TNS3: variants seen among roughly 807,000 people sequenced by gnomAD.
TNS3 encodes tensin 3.
In TNS3, 45 loss-of-function variants were observed where a neutral mutation model predicts 140.9. That is an observed-to-expected ratio of 0.32 (90% confidence interval 0.25 to 0.41). The LOEUF (loss-of-function observed/expected upper bound fraction) is 0.41, where lower values mean the gene tolerates loss of function less well. TNS3 is among the 10% of genes least tolerant of loss of function. The probability of loss-of-function intolerance (pLI) is 1.00; values close to 1 mark genes in which losing one functional copy is unlikely to be tolerated. For missense variants in TNS3, 1,716 were observed against 1,906.7 expected (o/e 0.90, Z 1.86); for synonymous variants, 815 against 788.4 (o/e 1.03, Z -0.56).
rs201716031 is a variant in TNS3, at chr7:47,344,743, T to C, written c.2650+12A>G. The C allele has an allele frequency of 1.7e-5, 28 of 1,608,942 alleles. No individual in the cohort carries two copies. The African/African-American group carries it at 3.5e-4, about 20-fold the overall frequency. ...GTGCCGCGCGCCTGTGACCCGCGGG[T>C]AGATTTCTTACCACGTCCTCCTTTG... On this transcript the variant is annotated intron_variant, in intron 20 of 30. Transcript: ENST00000311160.
At chr7:47,281,557 C>T (rs1785145461) in intron 28 of TNS3, among the ~76,000 whole-genome samples, 1 of 152,206 alleles carries the variant, frequency 6.6e-6, no homozygotes, top group African/African-American at 2.4e-5. Context: ...CACCTGCAGC[C>T]CCTCTCAAAC....
intron 10 of TNS3, among the ~76,000 whole-genome samples, chr7:47,415,866 T>C (rs1200828805): frequency 6.6e-6 from 1 of 152,228 alleles, no homozygotes; most frequent in Non-Finnish European, 1.5e-5. Flanking sequence ...ACAACTTCCA[T>C]GAGCATTTGG....
rs1373323962 is a variant in TNS3, at chr7:47,424,163, C to T, written c.411G>A (p.Arg137=). ...CATCATAAAACTTCTTCATTGCAAA[C>T]CTGTCAAGGGCCTGGTCGGCGCTGA... is the stretch of plus-strand genomic sequence containing the variant. The part of the protein sequence containing the change: ...VSASADQALD[R]FAMKKFYDDK... The change falls in exon 10 of 31, where the codon AGG becomes AGA. Residue 137 remains arginine, a synonymous_variant. Transcript: ENST00000311160. The T allele has an allele frequency of 6.2e-7, 1 of 1,614,178 alleles. No homozygotes were observed. The highest frequency in any genetic ancestry group is 8.5e-7 in the Non-Finnish European group (1 of 1,180,024).
chr7:47,531,476 G>A (rs1487621019), intron 1 of TNS3, among the ~76,000 whole-genome samples: 2 of 152,178 alleles, frequency 1.3e-5, no homozygotes, highest in African/African-American at 2.4e-5. Flanking sequence ...GGACATGGCA[G>A]ATGGAATTAT....
intron 2 of TNS3, among the ~76,000 whole-genome samples, chr7:47,521,241 G>A (rs1178196849): frequency 6.6e-6 from 1 of 152,086 alleles, no homozygotes; most frequent in Non-Finnish European, 1.5e-5. Flanking sequence ...TGCTCCCAAG[G>A]AGGCTGCAAA....
chr7:47,412,641 G>A (rs550674165), intron 12 of TNS3, among the ~76,000 whole-genome samples: 11 of 152,208 alleles, frequency 7.2e-5, no homozygotes, highest in African/African-American at 1.9e-4. Flanking sequence ...GGAAAGGAGC[G>A]AGAAAGAAAA....
chr7:47,364,644 C>A (rs1375444065), intron 17 of TNS3, among the ~76,000 whole-genome samples: 1 of 152,222 alleles, frequency 6.6e-6, no homozygotes, highest in African/African-American at 2.4e-5. Flanking sequence ...ACTGTGCAGG[C>A]TTTTGACACT....
intron 13 of TNS3, among the ~76,000 whole-genome samples, chr7:47,410,991 A>G (rs1437916627): frequency 6.6e-6 from 1 of 152,216 alleles, no homozygotes; most frequent in Non-Finnish European, 1.5e-5. Context: ...CATTGTTTTG[A>G]TCATTAATCA....
intron 20 of TNS3, among the ~76,000 whole-genome samples, chr7:47,330,526 A>T (rs1788275334): frequency 6.6e-6 from 1 of 152,108 alleles, no homozygotes; most frequent in African/African-American, 2.4e-5. Context: ...GGTGACACCA[A>T]ATCCCAACCC....
chr7:47,409,342 T>C (rs2151393094), intron 13 of TNS3, among the ~76,000 whole-genome samples: 1 of 146,946 alleles, frequency 6.8e-6, no homozygotes. Flanking sequence ...CCCCGCCTGG[T>C]CTCAGGAAGA....
At chr7:47,506,840 C>T in intron 3 of TNS3, 67 bp downstream of exon 3, 1 of 1,205,470 alleles carries the variant, frequency 8.3e-7, no homozygotes, top group African/African-American at 1.6e-5. Context: ...GGCCCCCCCA[C>T]ACATATCATT....
At chr7:47,567,080 AGCAAGTAGAG>A in intron 1 of TNS3, among the ~76,000 whole-genome samples, 1 of 152,036 alleles carries the variant, frequency 6.6e-6, no homozygotes, top group African/African-American at 2.4e-5. Context: ...ATGTGAGGCA[AGCAAGTAGAG>A]GTACCTCACA....
At chr7:47,538,590 C>A (rs1799687307) in intron 1 of TNS3, among the ~76,000 whole-genome samples, 1 of 152,184 alleles carries the variant, frequency 6.6e-6, no homozygotes, top group South Asian at 2.1e-4. Context: ...TTCCAGCCAT[C>A]AATTCAACTG....
chr7:47,318,027 C>T (rs1787510157), intron 20 of TNS3, among the ~76,000 whole-genome samples: 1 of 152,164 alleles, frequency 6.6e-6, no homozygotes, highest in Non-Finnish European at 1.5e-5. Context: ...CTTTTTCGTA[C>T]ACCAACTATC....
intron 20 of TNS3, among the ~76,000 whole-genome samples, chr7:47,333,435 A>G (rs1187632505): frequency 1.3e-5 from 2 of 152,244 alleles, no homozygotes; most frequent in African/African-American, 2.4e-5. Context: ...ACACTTACAT[A>G]TGCCTACGTA....
At chr7:47,389,044 AG>A (rs1792280782) in intron 16 of TNS3, among the ~76,000 whole-genome samples, 1 of 29,760 alleles carries the variant, frequency 3.4e-5, no homozygotes, top group African/African-American at 1.2e-4. Context: ...AAGAAGAAGA[AG>A]AAGAAGAAGA....
At chr7:47,291,512 T>TA (rs966258903) in intron 27 of TNS3, among the ~76,000 whole-genome samples, 1 of 151,762 alleles carries the variant, frequency 6.6e-6, no homozygotes, top group African/African-American at 2.4e-5. Context: ...TGAATAATTT[T>TA]TTTAAGTGAC....
chr7:47,513,462 C>T (rs1051966352), intron 2 of TNS3, among the ~76,000 whole-genome samples: 7 of 152,210 alleles, frequency 4.6e-5, no homozygotes, highest in African/African-American at 1.4e-4. Flanking sequence ...AGCCACCTCA[C>T]CACGCCCTAA....
At chr7:47,414,689 G>A (rs1424942806) in intron 11 of TNS3, among the ~76,000 whole-genome samples, 1 of 152,186 alleles carries the variant, frequency 6.6e-6, no homozygotes, top group African/African-American at 2.4e-5. Flanking sequence ...GGAGGAGGAG[G>A]AGATGGGTTC....
Sources: gnomAD v4.1 joint callset for allele counts (sites outside exome capture counted in the v4.1 genomes callset) on GRCh38, gnomAD v4.1.1 for gene constraint, MANE v1.5 for transcripts, NCBI Gene and HGNC (gene_info 2026-07-23, HGNC 2026-07-21) for gene names.